Variants in FRMD6 observed in about 807,000 individuals in gnomAD.
FRMD6 encodes FERM domain-containing protein 6.
Under a neutral mutation model 73.2 loss-of-function variants are expected in FRMD6, and 37 were observed. The observed-to-expected ratio is 0.51, with a 90% confidence interval of 0.39 to 0.66. The LOEUF is 0.66. Among genes scored for constraint, FRMD6 ranks in the 30% least tolerant of loss-of-function variants. The probability of loss-of-function intolerance (pLI) is 0.00; values close to 1 mark genes in which losing one functional copy is unlikely to be tolerated. For synonymous variants in FRMD6, 273 were observed against 282.2 expected (o/e 0.97, Z 0.33); for missense variants, 714 against 780.5 (o/e 0.91, Z 1.02).
chr14:51,509,897 A>T (rs1884196763), intron 1 of FRMD6, among the ~76,000 whole-genome samples: 1 of 152,104 alleles, frequency 6.6e-6, no homozygotes, highest in Admixed American at 6.5e-5. Context: ...AAGTGCTGGG[A>T]TTTCAGGCAT....
At chr14:51,618,506 T>A (rs1207980827) in intron 2 of FRMD6, among the ~76,000 whole-genome samples, 1 of 152,172 alleles carries the variant, frequency 6.6e-6, no homozygotes, top group Non-Finnish European at 1.5e-5. Flanking sequence ...TGATGAGTGG[T>A]CCAGCAAAGA....
intron 11 of FRMD6, 149 bp from the exon 12 acceptor site, chr14:51,721,800 A>G (rs1385650907): frequency 2.7e-6 from 2 of 749,772 alleles, no homozygotes; most frequent in Non-Finnish European, 4.3e-6. Context: ...ACCTGTTGAA[A>G]ATGGTCCCTG....
chr14:51,508,158 C>A (rs778242439), intron 1 of FRMD6, among the ~76,000 whole-genome samples: 1 of 152,306 alleles, frequency 6.6e-6, no homozygotes, highest in Non-Finnish European at 1.5e-5. Context: ...CAGCCTGTCC[C>A]GTGCTCGCAG....
intron 1 of FRMD6, among the ~76,000 whole-genome samples, chr14:51,502,250 A>G (rs758236491): frequency 3.9e-5 from 6 of 152,036 alleles, no homozygotes; most frequent in Non-Finnish European, 5.9e-5. Context: ...TGCTTTTGGC[A>G]TTTTCGTCAT....
At chr14:51,556,169 G>C (rs527819650) in intron 1 of FRMD6, among the ~76,000 whole-genome samples, 69 of 152,296 alleles carry the variant, frequency 4.5e-4, no homozygotes, top group African/African-American at 1.4e-3. Context: ...TTAACTGAAG[G>C]CTTAGACTGG....
the FRMD6 span, among the ~76,000 whole-genome samples, chr14:51,426,464 G>A: frequency 1.8e-3 from 278 of 152,120 alleles, 2 homozygotes; most frequent in African/African-American, 6.4e-3. Flanking sequence ...TTTCTACCTT[G>A]TACTATAGTT....
chr14:51,711,605 A>T lies in FRMD6; in HGVS notation c.780+9A>T. 1 of 1,591,440 alleles carries T rather than the reference A, an allele frequency of 6.3e-7. No homozygotes were observed. The highest frequency in any genetic ancestry group is 8.6e-7 in the Non-Finnish European group (1 of 1,160,052). On this transcript the variant is annotated intron_variant, in intron 8 of 13. Coordinates refer to ENST00000344768, the MANE Select transcript of FRMD6 (RefSeq NM_001267046.2). ...GAATACAGATTTTTCAGGTTGGTAA[A>T]TGAGAATTGTGTCAAATGCTGTCAG...
At chr14:51,639,189 A>ACTT (rs933649596) in intron 2 of FRMD6, among the ~76,000 whole-genome samples, 10 of 152,074 alleles carry the variant, frequency 6.6e-5, no homozygotes, top group Non-Finnish European at 1.5e-4. Flanking sequence ...ACATCCCAGC[A>ACTT]CTTTGGGAGA....
chr14:51,595,416 A>T lies in FRMD6; in HGVS notation c.-147+25006A>T, dbSNP rs79328734. 4.3e-3 allele frequency among the ~76,000 whole-genome samples: 658 copies of T among 152,370 alleles called. 4 individuals carry two copies. The highest frequency in any genetic ancestry group is 0.015 in the African/African-American group (628 of 41,590). On this transcript the variant is annotated intron_variant, in intron 2 of 14. Transcript: ENST00000356218. ...GAAACAGGATACTCTGAAATCAAGG[A>T]ACATGGGACTGGTAAACTTTGATTA...
the FRMD6 span, among the ~76,000 whole-genome samples, chr14:51,480,611 A>C: frequency 3.3e-5 from 5 of 152,164 alleles, no homozygotes; most frequent in Non-Finnish European, 5.9e-5. Context: ...ATATACAATG[A>C]CTACATTGAT....
intron 1 of FRMD6, among the ~76,000 whole-genome samples, chr14:51,558,211 G>T (rs1024861006): frequency 6.6e-6 from 1 of 152,120 alleles, no homozygotes; most frequent in African/African-American, 2.4e-5. Flanking sequence ...GCTCACACCT[G>T]TAATCCTAGC....
chr14:51,478,602 A>G, the FRMD6 span, among the ~76,000 whole-genome samples: 18 of 152,210 alleles, frequency 1.2e-4, no homozygotes, highest in African/African-American at 4.1e-4. Context: ...GTTCTTCCAT[A>G]TGGTGTTCCT....
At chr14:51,443,458 G>T in the FRMD6 span, among the ~76,000 whole-genome samples, 1 of 152,162 alleles carries the variant, frequency 6.6e-6, no homozygotes, top group African/African-American at 2.4e-5. Flanking sequence ...TCAGCATATG[G>T]CAAGGTTTAT....
intron 1 of FRMD6, among the ~76,000 whole-genome samples, chr14:51,687,071 CTCT>C (rs1435747169): frequency 6.6e-6 from 1 of 152,122 alleles, no homozygotes; most frequent in Non-Finnish European, 1.5e-5. Context: ...TTCAATAATC[CTCT>C]TCCAGTCATC....
chr14:51,697,800 A>G (rs1896045480), intron 2 of FRMD6, among the ~76,000 whole-genome samples: 1 of 152,188 alleles, frequency 6.6e-6, no homozygotes, highest in African/African-American at 2.4e-5. Context: ...TAAAAAAGAT[A>G]CTTGCCAAAT....
chr14:51,518,928 C>A (rs1884789949), intron 1 of FRMD6, among the ~76,000 whole-genome samples: 1 of 152,152 alleles, frequency 6.6e-6, no homozygotes, highest in Admixed American at 6.5e-5. Flanking sequence ...GCAAGCCAAG[C>A]CTTTGACACT....
chr14:51,590,033 AC>A (rs1425871163), intron 2 of FRMD6, among the ~76,000 whole-genome samples: 1 of 146,444 alleles, frequency 6.8e-6, no homozygotes, highest in Non-Finnish European at 1.5e-5. Flanking sequence ...GTGCTACCGC[AC>A]TCCAGCCTGG....
At chr14:51,630,163 C>G (rs550541270) in intron 2 of FRMD6, among the ~76,000 whole-genome samples, 11 of 152,100 alleles carry the variant, frequency 7.2e-5, no homozygotes, top group African/African-American at 2.7e-4. Flanking sequence ...GGATTGGCTA[C>G]TAAGTTATAT....
At chr14:51,550,916 C>T (rs1886786408) in intron 1 of FRMD6, among the ~76,000 whole-genome samples, 2 of 152,102 alleles carry the variant, frequency 1.3e-5, no homozygotes, top group Admixed American at 1.3e-4. Flanking sequence ...CTTTTGATTC[C>T]CTCCCCGTTT....
Sources: allele counts gnomAD v4.1 joint callset (sites outside exome capture counted in the v4.1 genomes callset), GRCh38; gene constraint gnomAD v4.1.1; transcripts MANE v1.5; gene names NCBI Gene and HGNC (gene_info 2026-07-23, HGNC 2026-07-21).